CHD9: variants seen among roughly 807,000 people sequenced by gnomAD.
CHD9 encodes chromodomain helicase DNA binding protein 9.
A neutral mutation model predicts 316.1 loss-of-function variants in CHD9; 77 were observed. The observed-to-expected ratio is 0.24, with a 90% CI of 0.20 to 0.29. CHD9 has a LOEUF of 0.29. CHD9 is among the 10% of genes least tolerant of loss of function. CHD9 has a pLI of 1.00. For missense variants in CHD9, 2,763 were observed against 3,438.1 expected, an observed-to-expected ratio of 0.80 and a Z score of 4.91; for synonymous variants, 1,129 against 1,158.3, an observed-to-expected ratio of 0.97 and a Z score of 0.51.
chr16:53,063,264 A>AT (rs2033125206), intron 1 of CHD9, among the ~76,000 whole-genome samples: 1 of 151,988 alleles, frequency 6.6e-6, no homozygotes, highest in Admixed American at 6.6e-5. Context: ...CCAAAGTTAT[A>AT]TAGCTAGGAA....
intron 11 of CHD9, among the ~76,000 whole-genome samples, chr16:53,237,721 A>T (rs998326698): frequency 6.6e-6 from 1 of 152,136 alleles, no homozygotes; most frequent in Non-Finnish European, 1.5e-5. Context: ...CATACTGATG[A>T]TTCTTAATTG....
chr16:53,076,612 A>G (rs972247349), intron 1 of CHD9, among the ~76,000 whole-genome samples: 10 of 151,448 alleles, frequency 6.6e-5, no homozygotes, highest in African/African-American at 2.2e-4. Flanking sequence ...AAAAATATAT[A>G]TATATGTATA....
At chr16:53,217,506 G>A (rs970991904) in intron 3 of CHD9, among the ~76,000 whole-genome samples, 2 of 152,022 alleles carry the variant, frequency 1.3e-5, no homozygotes, top group Non-Finnish European at 2.9e-5. Context: ...CTTTCTCCTC[G>A]GCTTCCAAAA....
chr16:53,100,470 T>TTTTTTTTC (rs55752349), intron 1 of CHD9, among the ~76,000 whole-genome samples: 16 of 148,124 alleles, frequency 1.1e-4, no homozygotes, highest in South Asian at 1.1e-3. Flanking sequence ...TTTTTTTTTT[T>TTTTTTTTC]CCAAAAGACA....
At chr16:53,322,203 G>T (rs1293563615) in intron 38 of CHD9, among the ~76,000 whole-genome samples, 2 of 151,326 alleles carry the variant, frequency 1.3e-5, no homozygotes, top group Non-Finnish European at 3.0e-5. Context: ...CGCCATATTG[G>T]CCAGGCTGGT....
intron 1 of CHD9, among the ~76,000 whole-genome samples, chr16:53,132,579 G>A (rs2039404607): frequency 6.6e-6 from 1 of 152,080 alleles, no homozygotes; most frequent in Admixed American, 6.5e-5. Context: ...GGAGGAGTTT[G>A]TTTTTGTTTT....
At chr16:53,229,373 AC>A (rs2047965463) in intron 8 of CHD9, among the ~76,000 whole-genome samples, 2 of 152,330 alleles carry the variant, frequency 1.3e-5, no homozygotes, top group South Asian at 4.1e-4. Flanking sequence ...TGGTAATATT[AC>A]CAATAATATA....
At chr16:53,267,767 A>G (rs1394241691) in intron 21 of CHD9, among the ~76,000 whole-genome samples, 160 bp from the exon 22 acceptor site, 1 of 152,184 alleles carries the variant, frequency 6.6e-6, no homozygotes, top group Non-Finnish European at 1.5e-5. Context: ...AATATACTAG[A>G]AATTACTATA....
rs1323230690 is a variant in CHD9 at position 53,245,910 on chromosome 16, T to C, written c.3454+60T>C. On this transcript the variant is annotated intron_variant, in intron 15 of 38. Transcript: ENST00000447540. This position sits in a 1 kb window ranked among gnomAD's most constrained non-coding sequence, Gnocchi z 4.1. Reference sequence around the variant, plus strand: ...CTTGCAACAAATACTAATGAATAAATAAACAGAACACACTACAGCTGTAGT... The same window carrying C: ...CTTGCAACAAATACTAATGAATAAACAAACAGAACACACTACAGCTGTAGT... 1.6e-6 allele frequency: 2 copies of C among 1,212,916 alleles called. No homozygotes were observed. Among genetic ancestry groups the C allele is most frequent in the East Asian group, 2.6e-5 (1 of 38,376 alleles). The allele number at this position is 1,212,916 out of a possible 1,614,324, so 75.1% of individuals were successfully genotyped here. A position where few individuals can be genotyped will look rare whatever the true frequency, so the allele number is the denominator to read the frequency against.
At chr16:53,146,363 A>C (rs1426544057) in intron 1 of CHD9, among the ~76,000 whole-genome samples, 25 of 142,292 alleles carry the variant, frequency 1.8e-4, no homozygotes, top group African/African-American at 5.6e-4. Context: ...ATTGCACTCC[A>C]GGCTGGGTGA....
chr16:53,195,426 C>T (rs1389663432), intron 2 of CHD9, among the ~76,000 whole-genome samples: 3 of 152,144 alleles, frequency 2.0e-5, no homozygotes, highest in African/African-American at 7.2e-5. Flanking sequence ...CATTTATTAT[C>T]TCATGGCTTC....
chr16:53,192,290 A>G (rs2044543709), intron 2 of CHD9, among the ~76,000 whole-genome samples: 1 of 152,202 alleles, frequency 6.6e-6, no homozygotes, highest in African/African-American at 2.4e-5. Flanking sequence ...GAGTGAAGAA[A>G]TAGCATCCAG....
At chr16:53,115,880 C>T (rs1299348050) in intron 1 of CHD9, among the ~76,000 whole-genome samples, 1 of 152,020 alleles carries the variant, frequency 6.6e-6, no homozygotes, top group Non-Finnish European at 1.5e-5. Context: ...ATTATTTTTG[C>T]AAGACTTGAA....
chr16:53,191,812 A>G (rs1049719872), intron 2 of CHD9, among the ~76,000 whole-genome samples: 6 of 152,110 alleles, frequency 3.9e-5, no homozygotes, highest in Non-Finnish European at 8.8e-5. Context: ...CTGGGTCACA[A>G]GTTTATGTGT....
rs1233205472 is a variant in CHD9 at position 53,245,146 on chromosome 16, G to A, written c.3055-190G>A. Among the ~76,000 whole-genome samples, 1 of 151,820 alleles carries A rather than the reference G, an allele frequency of 6.6e-6. No homozygotes were observed. Among genetic ancestry groups the A allele is most frequent in the Non-Finnish European group, 1.5e-5 (1 of 67,998 alleles). On this transcript the variant is annotated intron_variant, in intron 13 of 38. Coordinates refer to ENST00000447540, the MANE Select transcript of CHD9 (RefSeq NM_001308319.2). This position sits in a 1 kb window ranked among gnomAD's most constrained non-coding sequence, Gnocchi z 4.1. The stretch of plus-strand genomic sequence containing the variant: ...ATGGCATCACTGCACTCCAGCCTGG[G>A]TGTCACAGCAAGACCTTGTCTCTAA...
At chr16:53,292,426 T>G (rs558639009) in intron 28 of CHD9, among the ~76,000 whole-genome samples, 1 of 152,358 alleles carries the variant, frequency 6.6e-6, no homozygotes, top group African/African-American at 2.4e-5. Flanking sequence ...TTCTTCCCAG[T>G]GACTTAAAAT....
intron 1 of CHD9, among the ~76,000 whole-genome samples, chr16:53,132,853 G>A (rs562645108): frequency 1.7e-3 from 217 of 126,920 alleles, no homozygotes; most frequent in Middle Eastern, 6.9e-3. Context: ...CTGTCACCCA[G>A]GCTGGAGCGC....
intron 1 of CHD9, among the ~76,000 whole-genome samples, chr16:53,091,722 G>A (rs1273576640): frequency 6.6e-6 from 1 of 152,196 alleles, no homozygotes; most frequent in African/African-American, 2.4e-5. Flanking sequence ...GGATAAAGGA[G>A]CAAACGAGTG....
At position 53,286,104 on chromosome 16, in the gene CHD9, C is replaced by T. The variant is rs927266266; in HGVS notation, c.5072-122C>T. On this transcript the variant is annotated intron_variant, in intron 25 of 38. Coordinates refer to ENST00000447540, the MANE Select transcript of CHD9 (RefSeq NM_001308319.2). ...TCTAGAAAACATACTTAACCTATAT[C>T]ATTTTAATGTATTATCCCTTTAGTC... The T allele has an allele frequency of 9.5e-5, 53 of 558,374 alleles. No individual in the cohort carries two copies. In the Middle Eastern group the frequency reaches 1.2e-3, roughly 12 times the overall value. 34.6% of individuals were successfully genotyped at this position (558,374 alleles called of 1,614,324 possible). A position where few individuals can be genotyped will look rare whatever the true frequency, so the allele number is the denominator to read the frequency against.
Sources: allele counts gnomAD v4.1 joint callset (sites outside exome capture counted in the v4.1 genomes callset), GRCh38; gene constraint gnomAD v4.1.1; non-coding constraint Gnocchi (gnomAD v3.1); transcripts MANE v1.5; gene names NCBI Gene and HGNC (gene_info 2026-07-23, HGNC 2026-07-21).